Variants in PAK1 observed in about 807,000 individuals in gnomAD.
PAK1 encodes p21 (RAC1) activated kinase 1.
PAK1 carries 29 observed loss-of-function variants against 67.4 expected under a neutral mutation model. The observed-to-expected ratio is 0.43, with a 90% CI of 0.32 to 0.59. The LOEUF (loss-of-function observed/expected upper bound fraction) is 0.59, where lower values mean the gene tolerates loss of function less well. Ranked by LOEUF, PAK1 falls within the 20% of genes least tolerant of loss-of-function variation. PAK1 has a pLI of 0.07. For missense variants in PAK1, 337 were observed against 670.7 expected, an observed-to-expected ratio of 0.50 and a Z score of 5.50; for synonymous variants, 223 against 237.4, an observed-to-expected ratio of 0.94 and a Z score of 0.56.
At chr11:77,461,196 T>C (rs1269978288) in intron 1 of PAK1, among the ~76,000 whole-genome samples, 2 of 152,174 alleles carry the variant, frequency 1.3e-5, no homozygotes, top group Admixed American at 6.5e-5. Flanking sequence ...TGCAGTGCTA[T>C]TGGGTAAAAT....
chr11:77,335,286 C>T (rs574037865), intron 13 of PAK1, among the ~76,000 whole-genome samples: 8 of 152,124 alleles, frequency 5.3e-5, no homozygotes, highest in Non-Finnish European at 1.2e-4. Context: ...GTTTATAGTC[C>T]TGACTTCTCA....
intron 1 of PAK1, among the ~76,000 whole-genome samples, chr11:77,442,284 G>C (rs1448173156): frequency 6.6e-6 from 1 of 152,064 alleles, no homozygotes; most frequent in African/African-American, 2.4e-5. Context: ...TCTCCCACAG[G>C]GTTGGTCTAT....
intron 5 of PAK1, among the ~76,000 whole-genome samples, chr11:77,369,376 CTTTTATA>C (rs1282869019): frequency 6.8e-6 from 1 of 146,378 alleles, no homozygotes; most frequent in Admixed American, 6.8e-5. Context: ...AATTTTCTAT[CTTTTATA>C]TTTTATATTA....
chr11:77,410,400 A>G (rs1264543800), intron 1 of PAK1, among the ~76,000 whole-genome samples: 1 of 152,192 alleles, frequency 6.6e-6, no homozygotes, highest in Non-Finnish European at 1.5e-5. Flanking sequence ...CAGAGGCAGT[A>G]AAGAGAGAGA....
chr11:77,367,284 C>T (rs956992433), intron 5 of PAK1, among the ~76,000 whole-genome samples: 1 of 152,122 alleles, frequency 6.6e-6, no homozygotes, highest in African/African-American at 2.4e-5. Context: ...TGTCCACCAC[C>T]AATGAGCTTA....
intron 5 of PAK1, among the ~76,000 whole-genome samples, chr11:77,369,519 C>T (rs1292667339): frequency 3.5e-5 from 5 of 142,504 alleles, no homozygotes; most frequent in African/African-American, 1.3e-4. Flanking sequence ...ATAATCTCAG[C>T]TCACTGCAAC....
At chr11:77,338,670 G>A (rs1943111123) in intron 11 of PAK1, among the ~76,000 whole-genome samples, 1 of 152,068 alleles carries the variant, frequency 6.6e-6, no homozygotes, top group African/African-American at 2.4e-5. Flanking sequence ...TGTTCATAGA[G>A]TAATTTTTTA....
rs1386517427 is a variant in PAK1 at position 77,392,353 on chromosome 11, T to G, written c.168A>C (p.Arg56=). ...TACTTTTATCTCCAGGTAAAATGGA[T>G]CGGTAAAATCGGTCCTTCTTTTTCT... The part of the protein sequence containing the change: ...EEKKKKDRFY[R]SILPGDKTNK... The change falls in exon 2 of 15, where the codon CGA becomes CGC. Residue 56 remains arginine, a synonymous_variant. Transcript: ENST00000356341. 4 of 1,596,166 alleles carry G rather than the reference T, an allele frequency of 2.5e-6. No individual in the cohort carries two copies. Among genetic ancestry groups the G allele is most frequent in the Non-Finnish European group, 3.4e-6 (4 of 1,168,702 alleles).
chr11:77,393,690 CAGT>C (rs1565659235), intron 1 of PAK1, among the ~76,000 whole-genome samples: 2 of 152,274 alleles, frequency 1.3e-5, no homozygotes, highest in East Asian at 1.9e-4. Context: ...TTCTGAGAAA[CAGT>C]AGAATAAAAT....
chr11:77,526,038 A>G, the PAK1 span, among the ~76,000 whole-genome samples: 3 of 152,140 alleles, frequency 2.0e-5, no homozygotes, highest in Non-Finnish European at 4.4e-5. Context: ...AATCTTCACT[A>G]GCTCTTCACA....
rs372786635 is a variant in PAK1, at chr11:77,333,006, G to A, written c.1414-139C>T. 9.0e-4 allele frequency: 653 copies of A among 724,960 alleles called. 5 individuals carry two copies. The South Asian group carries it at 0.011, about 12-fold the overall frequency. 44.9% of individuals were successfully genotyped at this position (724,960 alleles called of 1,614,324 possible). On this transcript the variant is annotated intron_variant, in intron 13 of 14. Transcript: ENST00000356341. ...CAGCTGTGTATATATACTGGAAAGA[G>A]TATGACCTAAGGATCAGGTTGAACA...
chr11:77,489,574 G>C, the PAK1 span, among the ~76,000 whole-genome samples: 1 of 152,176 alleles, frequency 6.6e-6, no homozygotes, highest in Non-Finnish European at 1.5e-5. Flanking sequence ...TCGGCCTGCG[G>C]AGTGCCTGCG....
chr11:77,412,337 G>A (rs948644548), intron 1 of PAK1, among the ~76,000 whole-genome samples: 2 of 152,032 alleles, frequency 1.3e-5, no homozygotes, highest in Non-Finnish European at 1.5e-5. Flanking sequence ...CTCCCCAAAC[G>A]TGCCAGGTTC....
chr11:77,414,561 G>C (rs554688099), intron 1 of PAK1, among the ~76,000 whole-genome samples: 75 of 152,348 alleles, frequency 4.9e-4, no homozygotes, highest in Admixed American at 1.2e-3. Context: ...AAATAGATCA[G>C]TGGAATTGAA....
At chr11:77,381,365 T>C (rs954650034) in intron 2 of PAK1, among the ~76,000 whole-genome samples, 17 of 152,214 alleles carry the variant, frequency 1.1e-4, no homozygotes, top group African/African-American at 3.6e-4. Context: ...CAGTTTTAAA[T>C]AGGTATTTCA....
In PAK1 at chr11:77,353,622, G is replaced by C. The variant is rs752450950; in HGVS notation, c.773-23C>G. 4 of 1,577,136 alleles carry C rather than the reference G, an allele frequency of 2.5e-6. No individual in the cohort carries two copies. The Admixed American group carries it at 6.7e-5, about 26-fold the overall frequency. On this transcript the variant is annotated intron_variant, in intron 7 of 14. Transcript: ENST00000356341. ...TTCCTTTGAAAGAAACAGAGACCAT[G>C]AATCATTTTTTCCCAAATCAAGATA...
At chr11:77,377,471 C>A (rs1281728529) in intron 4 of PAK1, among the ~76,000 whole-genome samples, 9 of 152,052 alleles carry the variant, frequency 5.9e-5, no homozygotes. Context: ...TTTATACATA[C>A]AAAAGTAGAT....
At chr11:77,394,599 C>T (rs1424644146) in intron 1 of PAK1, among the ~76,000 whole-genome samples, 1 of 152,140 alleles carries the variant, frequency 6.6e-6, no homozygotes, top group Non-Finnish European at 1.5e-5. Flanking sequence ...GTAATCCCAG[C>T]ACTTTGGGAG....
chr11:77,497,198 C>T, the PAK1 span, among the ~76,000 whole-genome samples: 1,116 of 152,338 alleles, frequency 7.3e-3, 8 homozygotes, highest in Non-Finnish European at 0.011. Flanking sequence ...AGGTCCTTAT[C>T]TCCCCATGGA....
Sources: gnomAD v4.1 joint callset for allele counts (sites outside exome capture counted in the v4.1 genomes callset) on GRCh38, gnomAD v4.1.1 for gene constraint, MANE v1.5 for transcripts, NCBI Gene and HGNC (gene_info 2026-07-23, HGNC 2026-07-21) for gene names.